The following ITFG2 variants were observed in gnomAD, a reference collection of about 807,000 sequenced individuals.
ITFG2 encodes integrin alpha FG-GAP repeat containing 2, also known as KICSTOR complex protein ITFG2.
A neutral mutation model predicts 54.4 loss-of-function variants in ITFG2; 36 were observed. The ratio of observed to expected loss-of-function variants is 0.66; its 90% CI spans 0.51 to 0.87. ITFG2 has a LOEUF of 0.87. ITFG2 is among the 40% of genes least tolerant of loss of function. The probability of loss-of-function intolerance (pLI) is 0.00; values close to 1 mark genes in which losing one functional copy is unlikely to be tolerated. For missense variants in ITFG2, 524 were observed against 576.7 expected (o/e 0.91, Z 0.94); for synonymous variants, 211 against 225.4 (o/e 0.94, Z 0.57).
intron 2 of ITFG2, chr12:2,857,406 C>T (rs2098091080): frequency 7.2e-6 from 2 of 279,454 alleles, no homozygotes; most frequent in South Asian, 4.6e-5. Flanking sequence ...TATTAAGAAC[C>T]CTCAAAAGGC....
In ITFG2 at chr12:2,812,704, C is replaced by G; in HGVS notation, c.-57C>G. Reference sequence around the variant, plus strand: ...CCTTCCGCTCTGGCGGCTGTCGCGACGGGGGTTCAGGGAATATTTACTGGG... The same window carrying G: ...CCTTCCGCTCTGGCGGCTGTCGCGAGGGGGGTTCAGGGAATATTTACTGGG... On this transcript the variant is annotated 5_prime_UTR_variant, in exon 1 of 12. Coordinates refer to ENST00000228799, the MANE Select transcript of ITFG2 (RefSeq NM_018463.4). 6.7e-7 allele frequency: 1 copy of G among 1,491,402 alleles called. No individual in the cohort carries two copies. Among genetic ancestry groups the G allele is most frequent in the Non-Finnish European group, 9.3e-7 (1 of 1,072,618 alleles). The allele number at this position is 1,491,402 out of a possible 1,614,324, so 92.4% of individuals were successfully genotyped here.
At chr12:2,818,442 C>G in intron 4 of ITFG2, 165 bp downstream of exon 4, 1 of 1,404,944 alleles carries the variant, frequency 7.1e-7, no homozygotes, top group Non-Finnish European at 9.6e-7. Context: ...ACTGGAATTG[C>G]CATAGTGAAT....
intron 1 of ITFG2, among the ~76,000 whole-genome samples, chr12:2,813,353 T>G (rs2097913867): frequency 6.6e-6 from 1 of 152,240 alleles, no homozygotes; most frequent in Non-Finnish European, 1.5e-5. Flanking sequence ...CACAGTTTAG[T>G]GCTCACTTAA....
intron 10 of ITFG2, 35 bp downstream of exon 10, chr12:2,822,946 A>G (rs1229190279): frequency 6.5e-7 from 1 of 1,532,142 alleles, no homozygotes. Context: ...TTCTAACCAC[A>G]CTTAAGTTAG....
chr12:2,850,469 C>G (rs1452520151), intron 2 of ITFG2, among the ~76,000 whole-genome samples: 2 of 117,286 alleles, frequency 1.7e-5, no homozygotes, highest in East Asian at 4.8e-4. Flanking sequence ...GAGCAAGACT[C>G]TGTCTCAAAA....
chr12:2,812,737 G>A lies in ITFG2; in HGVS notation c.-24G>A, dbSNP rs368219788. 3 of 1,583,842 alleles carry A rather than the reference G, an allele frequency of 1.9e-6. No homozygotes were observed. The highest frequency in any genetic ancestry group is 3.3e-4 in the Middle Eastern group (2 of 5,974). ...CAGGGAATATTTACTGGGCCTCTCC[G>A]CTCCCTCTGCTCTTGGAGGTGCCAT... is the stretch of plus-strand genomic sequence containing the variant. On this transcript the variant is annotated 5_prime_UTR_variant, in exon 1 of 12. Coordinates refer to ENST00000228799, the MANE Select transcript of ITFG2 (RefSeq NM_018463.4).
intron 2 of ITFG2, among the ~76,000 whole-genome samples, chr12:2,847,185 C>G (rs923070823): frequency 6.6e-6 from 1 of 152,050 alleles, no homozygotes; most frequent in African/African-American, 2.4e-5. Flanking sequence ...AACATGTATT[C>G]TTTTAAAAAA....
Position 2,812,832 on chromosome 12 carries a change from C to T in ITFG2, c.72C>T (p.Cys24=). 6.2e-7 allele frequency: 1 copy of T among 1,612,748 alleles called. No homozygotes were observed. Among genetic ancestry groups the T allele is most frequent in the Middle Eastern group, 1.7e-4 (1 of 6,060 alleles). The change falls in exon 1 of 12, where the codon TGC becomes TGT. Residue 24 remains cysteine (C), a synonymous_variant. Coordinates refer to ENST00000228799, the MANE Select transcript of ITFG2 (RefSeq NM_018463.4). ...GGAGCCTCTTCCCGCACGCAATCTG[C>T]CTCGGAGACGTTGATAACGATACGG... ...FSGSLFPHAI[C]LGDVDNDTLN...
At chr12:2,834,746 T>G (rs768940733), upstream of ITFG2, 7 of 1,613,972 alleles carry the variant, frequency 4.3e-6, no homozygotes, top group South Asian at 7.7e-5. Context: ...CGCTGCTGGC[T>G]CAGGTGGGCT....
At chr12:2,817,520 G>C in intron 2 of ITFG2, 1 of 573,060 alleles carries the variant, frequency 1.7e-6, no homozygotes, top group Non-Finnish European at 3.1e-6. Flanking sequence ...ACGCGTGCGT[G>C]GGCTGGGGTG....
Position 2,853,470 on chromosome 12 carries a change from A to G in ITFG2, n.301-4542A>G, listed in dbSNP as rs551539333. On this transcript the variant is annotated intron_variant and non_coding_transcript_variant, in intron 2 of 3. Transcript: ENST00000537710. ...GTATTTTTAGTAGAGACGGGGTTTC[A>G]CCATGTTGGCCAGGCTGGTCTCGAA... Among the ~76,000 whole-genome samples, 16 of 151,968 alleles carry G rather than the reference A, an allele frequency of 1.1e-4. No homozygotes were observed. The South Asian group carries it at 3.3e-3, about 32-fold the overall frequency.
intron 5 of ITFG2, 135 bp downstream of exon 5, chr12:2,820,360 A>G (rs2097939253): frequency 8.9e-7 from 1 of 1,125,818 alleles, no homozygotes; most frequent in Non-Finnish European, 1.2e-6. Flanking sequence ...AGAGAGATCC[A>G]AAGACCATTT....
intron 2 of ITFG2, chr12:2,855,458 CA>C: frequency 1.4e-6 from 2 of 1,413,126 alleles, no homozygotes; most frequent in East Asian, 2.6e-5. Context: ...TAGGGAGAGA[CA>C]AAAGGGAGCC....
chr12:2,852,984 AG>A (rs2098075823), intron 2 of ITFG2, among the ~76,000 whole-genome samples: 3 of 151,380 alleles, frequency 2.0e-5, no homozygotes, highest in Admixed American at 2.0e-4. Context: ...TGGGCAACAG[AG>A]GAAGACTCTG....
Position 2,812,863 on chromosome 12 carries a change from G to A in ITFG2, c.96+7G>A. 1.2e-6 allele frequency: 2 copies of A among 1,603,334 alleles called. No individual in the cohort carries two copies. The highest frequency in any genetic ancestry group is 1.7e-6 in the Non-Finnish European group (2 of 1,172,356). ...AGACGTTGATAACGATACGGTAGGT[G>A]CATGCGCACCGCAAGAGACAGCCTG... On this transcript the variant is annotated splice_region_variant and intron_variant, in intron 1 of 11. Coordinates refer to ENST00000228799, the MANE Select transcript of ITFG2 (RefSeq NM_018463.4).
intron 3 of ITFG2, chr12:2,859,521 A>G (rs1444956489): frequency 2.5e-6 from 4 of 1,613,942 alleles, no homozygotes; most frequent in African/African-American, 1.3e-5. Flanking sequence ...TAAGTGTGGC[A>G]TTTCCTCCCC....
intron 1 of ITFG2, among the ~76,000 whole-genome samples, chr12:2,813,880 G>T (rs912230464): frequency 6.6e-6 from 1 of 152,124 alleles, no homozygotes; most frequent in South Asian, 2.1e-4. Flanking sequence ...CTGGGCTTTC[G>T]TGTTTCTTCA....
chr12:2,827,817 C>A, downstream of ITFG2: 2 of 1,603,150 alleles, frequency 1.2e-6, no homozygotes, highest in South Asian at 1.1e-5. The surrounding 1 kb of genome is among the most constrained non-coding windows in gnomAD (Gnocchi z 4.0). Flanking sequence ...ATAGTCAGAA[C>A]ATCTCTGGGA....
chr12:2,855,105 G>T, intron 2 of ITFG2: 2 of 1,535,538 alleles, frequency 1.3e-6, no homozygotes, highest in Non-Finnish European at 1.7e-6. Flanking sequence ...GAGGGGGGAT[G>T]GGGTGCTCCG....
Sources: allele counts gnomAD v4.1 joint callset (sites outside exome capture counted in the v4.1 genomes callset), GRCh38; gene constraint gnomAD v4.1.1; non-coding constraint Gnocchi (gnomAD v3.1); transcripts MANE v1.5; gene names NCBI Gene and HGNC (gene_info 2026-07-23, HGNC 2026-07-21).